The following EFCAB11 variants were observed in gnomAD, a reference collection of about 807,000 sequenced individuals.
EFCAB11 encodes EF-hand calcium binding domain 11, also known as EF-hand calcium-binding domain-containing protein 11.
EFCAB11 carries 14 observed loss-of-function variants against 23.0 expected under a neutral mutation model. The ratio of observed to expected loss-of-function variants is 0.61; its 90% CI spans 0.40 to 0.95. EFCAB11 has a LOEUF of 0.95. Among genes scored for constraint, EFCAB11 ranks in the 40% least tolerant of loss-of-function variants. The probability of loss-of-function intolerance (pLI) is 0.00; values close to 1 mark genes in which losing one functional copy is unlikely to be tolerated. For synonymous variants in EFCAB11, 65 were observed against 66.6 expected (o/e 0.98, Z 0.11); for missense variants, 198 against 195.8 (o/e 1.01, Z -0.07).
chr14:89,932,166 T>C (rs1890412710), intron 4 of EFCAB11, among the ~76,000 whole-genome samples: 1 of 151,948 alleles, frequency 6.6e-6, no homozygotes, highest in African/African-American at 2.4e-5. Context: ...GGGAAAACAA[T>C]TCCACCAATC....
intron 1 of EFCAB11, chr14:89,954,347 A>G: frequency 6.5e-7 from 1 of 1,536,048 alleles, no homozygotes; most frequent in African/African-American, 1.4e-5. Flanking sequence ...ATGCAGACTC[A>G]AGGTTACCAT....
chr14:89,851,232 A>G (rs961396933), intron 5 of EFCAB11, among the ~76,000 whole-genome samples: 2 of 152,198 alleles, frequency 1.3e-5, no homozygotes, highest in African/African-American at 2.4e-5. Context: ...GCCTTTGTAC[A>G]TCTCCCTCTG....
intron 5 of EFCAB11, among the ~76,000 whole-genome samples, chr14:89,930,865 G>A (rs1420471999): frequency 6.6e-6 from 1 of 152,214 alleles, no homozygotes; most frequent in Non-Finnish European, 1.5e-5. Context: ...TTGATGAAGA[G>A]CTCATGCTGG....
chr14:89,931,734 G>A (rs1041678562), intron 4 of EFCAB11, 103 bp from the exon 5 acceptor site: 7 of 846,864 alleles, frequency 8.3e-6, no homozygotes, highest in Non-Finnish European at 9.4e-6. Context: ...ATATTACTAG[G>A]AGAAAAGCAG....
chr14:89,922,628 GT>G (rs1471985144), intron 5 of EFCAB11, among the ~76,000 whole-genome samples: 1 of 150,654 alleles, frequency 6.6e-6, no homozygotes, highest in African/African-American at 2.4e-5. Flanking sequence ...AAAGCCTGTG[GT>G]TTTTTTTCCA....
At chr14:89,835,938 A>AT (rs2140121001) in intron 5 of EFCAB11, among the ~76,000 whole-genome samples, 1 of 152,002 alleles carries the variant, frequency 6.6e-6, no homozygotes, top group East Asian at 1.9e-4. Flanking sequence ...CAACCTGTAT[A>AT]TTTTTATTGC....
intron 5 of EFCAB11, among the ~76,000 whole-genome samples, chr14:89,914,560 G>A (rs189623203): frequency 6.8e-4 from 103 of 152,258 alleles, no homozygotes; most frequent in African/African-American, 2.3e-3. Flanking sequence ...TGAAGCAGGC[G>A]GATCACTTGA....
chr14:89,927,533 C>T (rs1282679979), intron 5 of EFCAB11, among the ~76,000 whole-genome samples: 1 of 152,144 alleles, frequency 6.6e-6, no homozygotes, highest in East Asian at 1.9e-4. Context: ...GAACGTCTAA[C>T]CTTGGAAACA....
intron 5 of EFCAB11, among the ~76,000 whole-genome samples, chr14:89,891,569 C>A (rs143718459): frequency 6.6e-6 from 1 of 151,934 alleles, no homozygotes; most frequent in South Asian, 2.1e-4. Context: ...ATTAAAATAG[C>A]AAAATCTGTA....
chr14:89,909,945 G>A (rs1889620510), intron 5 of EFCAB11, among the ~76,000 whole-genome samples: 1 of 152,086 alleles, frequency 6.6e-6, no homozygotes, highest in African/African-American at 2.4e-5. Context: ...GTCAGCCTTG[G>A]TGCCCCCTCC....
intron 5 of EFCAB11, among the ~76,000 whole-genome samples, chr14:89,892,987 C>T (rs1342279217): frequency 1.3e-5 from 2 of 152,162 alleles, no homozygotes; most frequent in African/African-American, 2.4e-5. Flanking sequence ...CCTTATCTAT[C>T]GATGGGGCTC....
At chr14:89,865,005 G>T (rs1566788869) in intron 5 of EFCAB11, among the ~76,000 whole-genome samples, 1 of 152,214 alleles carries the variant, frequency 6.6e-6, no homozygotes, top group Non-Finnish European at 1.5e-5. Context: ...CACAACCTTA[G>T]AGAGAAGCCA....
chr14:89,836,259 G>A lies in EFCAB11; in HGVS notation c.411-38935C>T, dbSNP rs13329032. ...TGGGCCCTGCATTTTAGAGGACTAG[G>A]CTCAGTCTCATCTTTTGCTCTAGAG... On this transcript the variant is annotated intron_variant, in intron 5 of 5. Coordinates refer to ENST00000316738, the MANE Select transcript of EFCAB11 (RefSeq NM_145231.4). Among the ~76,000 whole-genome samples the A allele has an allele frequency of 3.5e-3, 540 of 152,256 alleles. 6 individuals are homozygous for A. The highest frequency in any genetic ancestry group is 0.012 in the African/African-American group (512 of 41,566).
chr14:89,891,569 C>T lies in EFCAB11; in HGVS notation c.410+39972G>A, dbSNP rs143718459. 5.2e-3 allele frequency among the ~76,000 whole-genome samples: 798 copies of T among 152,052 alleles called. 5 individuals are homozygous for T. Among genetic ancestry groups the T allele is most frequent in the African/African-American group, 0.018 (746 of 41,484 alleles). The stretch of plus-strand genomic sequence containing the variant: ...CAATATTTTATTTATATTAAAATAG[C>T]AAAATCTGTACCAAATATAAAAAGA... On this transcript the variant is annotated intron_variant, in intron 5 of 5. Coordinates refer to ENST00000316738, the MANE Select transcript of EFCAB11 (RefSeq NM_145231.4).
intron 5 of EFCAB11, among the ~76,000 whole-genome samples, chr14:89,878,259 A>G (rs1302847069): frequency 6.6e-6 from 1 of 152,204 alleles, no homozygotes; most frequent in Non-Finnish European, 1.5e-5. Flanking sequence ...TAGTTTTTAC[A>G]AAGTCAAATC....
At position 89,795,871 on chromosome 14, in the gene EFCAB11, A is replaced by G. The variant is rs1479511171; in HGVS notation, c.*1372T>C. The stretch of plus-strand genomic sequence containing the variant: ...ACTTATAAATAAGAGTACTGATACC[A>G]GTATTTTGGAATTACCTTCACTAAA... On this transcript the variant is annotated 3_prime_UTR_variant, in exon 6 of 6. Transcript: ENST00000316738. The G allele has an allele frequency of 6.6e-6, 1 of 152,218 alleles. No individual in the cohort carries two copies. The highest frequency in any genetic ancestry group is 6.5e-5 in the Admixed American group (1 of 15,284). The allele number at this position is 152,218 out of a possible 1,614,324, so 9.4% of individuals were successfully genotyped here. A position where few individuals can be genotyped will look rare whatever the true frequency, so the allele number is the denominator to read the frequency against.
intron 5 of EFCAB11, among the ~76,000 whole-genome samples, chr14:89,855,168 T>C (rs1201015339): frequency 6.7e-6 from 1 of 149,762 alleles, no homozygotes; most frequent in Non-Finnish European, 1.5e-5. Flanking sequence ...ATAGGACAGC[T>C]TCTTTTTTTT....
In EFCAB11 at chr14:89,851,208, T is replaced by C. The variant is rs563949467; in HGVS notation, c.411-53884A>G. The stretch of plus-strand genomic sequence containing the variant: ...TTTGGCCAGAAGTGATTTATTGGCT[T>C]TGTAATATAGGCAGCCTTTGTACAT... On this transcript the variant is annotated intron_variant, in intron 5 of 5. Coordinates refer to ENST00000316738, the MANE Select transcript of EFCAB11 (RefSeq NM_145231.4). Among the ~76,000 whole-genome samples the C allele has an allele frequency of 3.3e-5, 5 of 152,326 alleles. No individual in the cohort carries two copies. The South Asian group carries it at 8.3e-4, about 25-fold the overall frequency.
At chr14:89,946,786 C>A in intron 3 of EFCAB11, among the ~76,000 whole-genome samples, 1 of 151,018 alleles carries the variant, frequency 6.6e-6, no homozygotes. Context: ...CTATGTTGAC[C>A]AGACTGGTCT....
Sources: gnomAD v4.1 joint callset for allele counts (sites outside exome capture counted in the v4.1 genomes callset) on GRCh38, gnomAD v4.1.1 for gene constraint, MANE v1.5 for transcripts, NCBI Gene and HGNC (gene_info 2026-07-23, HGNC 2026-07-21) for gene names.